Variants in SOCS6 observed in about 807,000 individuals in gnomAD.
SOCS6 encodes STAT induced STAT inhibitor-4.
In SOCS6, 5 loss-of-function variants were observed where a neutral mutation model predicts 27.7. That is an observed-to-expected ratio of 0.18 (90% CI 0.09 to 0.38). The LOEUF (loss-of-function observed/expected upper bound fraction) is 0.38, where lower values mean the gene tolerates loss of function less well. Among genes scored for constraint, SOCS6 ranks in the 10% least tolerant of loss-of-function variants. SOCS6 has a pLI of 1.00. For missense variants in SOCS6, 595 were observed against 688.1 expected (o/e 0.86, Z 1.51); for synonymous variants, 271 against 260.0 (o/e 1.04, Z -0.41).
intron 1 of SOCS6, among the ~76,000 whole-genome samples, chr18:70,302,242 G>A (rs542084447): frequency 8.1e-5 from 11 of 134,998 alleles, no homozygotes; most frequent in African/African-American, 2.6e-4. Context: ...TGGGAGCCGA[G>A]TCCAAGGTCT....
Position 70,315,320 on chromosome 18 carries a change from G to A in SOCS6, c.-126-9223G>A, listed in dbSNP as rs566268479. 1.1e-4 allele frequency among the ~76,000 whole-genome samples: 16 copies of A among 152,248 alleles called. No homozygotes were observed. In the South Asian group the frequency reaches 1.2e-3, roughly 12 times the overall value. On this transcript the variant is annotated intron_variant, in intron 1 of 1. Coordinates refer to ENST00000397942, the MANE Select transcript of SOCS6 (RefSeq NM_004232.4). ...TTTTCTTTCTCCTGAAGGAAAAAGA[G>A]CCATGGTAGCTCCTTGATCACTTTC...
intron 1 of SOCS6, among the ~76,000 whole-genome samples, chr18:70,320,493 T>A (rs1910944733): frequency 6.6e-6 from 1 of 152,180 alleles, no homozygotes; most frequent in South Asian, 2.1e-4. Context: ...GGTAGTCCCC[T>A]ATGCACAGTT....
At position 70,329,890 on chromosome 18, in the gene SOCS6, T is replaced by A. The variant is rs1056273532; in HGVS notation, c.*3614T>A. 1 of 167,094 alleles carries A rather than the reference T, an allele frequency of 6.0e-6. No individual in the cohort carries two copies. The highest frequency in any genetic ancestry group is 1.5e-5 in the Non-Finnish European group (1 of 68,110). 10.4% of individuals were successfully genotyped at this position (167,094 alleles called of 1,614,324 possible). A position where few individuals can be genotyped will look rare whatever the true frequency, so the allele number is the denominator to read the frequency against. On this transcript the variant is annotated 3_prime_UTR_variant, in exon 2 of 2. Transcript: ENST00000397942. ...ATCCAGAGATTATGAAAAATTCTTA[T>A]AGAATTTTGTAACAAGTATTTACAT... is the stretch of plus-strand genomic sequence containing the variant.
At chr18:70,308,384 A>AT (rs953953410) in intron 1 of SOCS6, among the ~76,000 whole-genome samples, 14 of 149,554 alleles carry the variant, frequency 9.4e-5, no homozygotes, top group East Asian at 3.9e-4. Context: ...TACCTGGCTA[A>AT]TTTTTTTTTT....
intron 1 of SOCS6, among the ~76,000 whole-genome samples, chr18:70,322,329 A>G (rs1485195122): frequency 6.6e-6 from 1 of 152,222 alleles, no homozygotes; most frequent in Non-Finnish European, 1.5e-5. Flanking sequence ...GAAGAGATAA[A>G]AGACCATATG....
Position 70,324,848 on chromosome 18 carries a change from T to C in SOCS6, c.180T>C (p.Asp60=). Reference sequence around the variant, plus strand: ...CCAGCTGCGATATCAACGGTGAAGATGAAAAAGGCGGAAAAAACAGATCAA... The same window carrying C: ...CCAGCTGCGATATCAACGGTGAAGACGAAAAAGGCGGAAAAAACAGATCAA... ...DMASCDINGE[D]EKGGKNRSKS... The change falls in exon 2 of 2, where the codon GAT becomes GAC. Residue 60 remains aspartate (D), a synonymous_variant. Transcript: ENST00000397942. 1 of 1,614,024 alleles carries C rather than the reference T, an allele frequency of 6.2e-7. No individual in the cohort carries two copies. The highest frequency in any genetic ancestry group is 8.5e-7 in the Non-Finnish European group (1 of 1,180,008).
rs41537545 is a variant in SOCS6, at chr18:70,289,064, G to A, written c.-153G>A. 0.16 allele frequency: 24,493 copies of A among 149,954 alleles called. 2,079 individuals carry two copies. Among genetic ancestry groups the A allele is most frequent in the Middle Eastern group, 0.24 (70 of 294 alleles). 9.3% of individuals were successfully genotyped at this position (149,954 alleles called of 1,614,324 possible). A position where few individuals can be genotyped will look rare whatever the true frequency, so the allele number is the denominator to read the frequency against. ...CGCGGCAGTCGCGCCGGCGCTGGGC[G>A]AGGAAGCGGAGCCGGGCCGCCTCCG... is the stretch of plus-strand genomic sequence containing the variant. On this transcript the variant is annotated 5_prime_UTR_variant, in exon 1 of 2. Coordinates refer to ENST00000397942, the MANE Select transcript of SOCS6 (RefSeq NM_004232.4).
At chr18:70,300,365 G>A (rs2062342957) in intron 1 of SOCS6, among the ~76,000 whole-genome samples, 1 of 152,158 alleles carries the variant, frequency 6.6e-6, no homozygotes. Flanking sequence ...CTGACCTCAA[G>A]TGATCTGCCA....
At chr18:70,293,669 G>T (rs190989245) in intron 1 of SOCS6, among the ~76,000 whole-genome samples, 200 of 152,204 alleles carry the variant, frequency 1.3e-3, no homozygotes, top group African/African-American at 3.8e-3. Context: ...TCTCTCATGG[G>T]GATGCAGATC....
At chr18:70,314,446 C>A (rs1324503461) in intron 1 of SOCS6, among the ~76,000 whole-genome samples, 1 of 151,920 alleles carries the variant, frequency 6.6e-6, no homozygotes, top group East Asian at 1.9e-4. Flanking sequence ...TTTACTCTAC[C>A]CTTTCTTTCT....
chr18:70,302,865 G>A (rs1187896861), intron 1 of SOCS6, among the ~76,000 whole-genome samples: 1 of 152,038 alleles, frequency 6.6e-6, no homozygotes, highest in African/African-American at 2.4e-5. Context: ...AAGAATAATA[G>A]TAAAAACAAA....
In SOCS6 at chr18:70,328,717, G is replaced by T. The variant is rs1354495555; in HGVS notation, c.*2441G>T. On this transcript the variant is annotated 3_prime_UTR_variant, in exon 2 of 2. Transcript: ENST00000397942. ...AAGTTAAATTTACAAGCAGAAAGAT[G>T]TTTTGCGATATTTTCTACTTTTGTG... is the stretch of plus-strand genomic sequence containing the variant. 1 of 166,796 alleles carries T rather than the reference G, an allele frequency of 6.0e-6. No homozygotes were observed. Among genetic ancestry groups the T allele is most frequent in the Non-Finnish European group, 1.5e-5 (1 of 68,074 alleles). The allele number at this position is 166,796 out of a possible 1,614,324, so 10.3% of individuals were successfully genotyped here.
At chr18:70,310,998 T>C (rs2146280354) in intron 1 of SOCS6, among the ~76,000 whole-genome samples, 1 of 152,310 alleles carries the variant, frequency 6.6e-6, no homozygotes, top group Admixed American at 6.5e-5. Flanking sequence ...AAGTTAAACA[T>C]AACATTTGTT....
rs139320786 is a variant in SOCS6, at chr18:70,317,419, G to GGTGTGT, written c.-126-7107_-126-7102dup. The stretch of plus-strand genomic sequence containing the variant: ...TTTTTATAGCTAAGTAGTATTCCAT[G>GGTGTGT]GTGTGTGTGTGTGTGTGTGTGTATA... On this transcript the variant is annotated intron_variant, in intron 1 of 1. Coordinates refer to ENST00000397942, the MANE Select transcript of SOCS6 (RefSeq NM_004232.4). Among the ~76,000 whole-genome samples the GGTGTGT allele has an allele frequency of 2.5e-3, 365 of 148,168 alleles. 2 individuals carry two copies. The highest frequency in any genetic ancestry group is 3.9e-3 in the South Asian group (18 of 4,644).
chr18:70,291,418 C>A lies in SOCS6; in HGVS notation c.-127+2328C>A, dbSNP rs41326944. On this transcript the variant is annotated intron_variant, in intron 1 of 1. Transcript: ENST00000397942. ...CCCAGCCTGCAAGTGTCCTCTTAAG[C>A]CTTCTTGTGTAACTACACTCCTTAG... Among the ~76,000 whole-genome samples, 884 of 152,318 alleles carry A rather than the reference C, an allele frequency of 5.8e-3. 11 individuals are homozygous for A. Among genetic ancestry groups the A allele is most frequent in the African/African-American group, 0.02 (845 of 41,572 alleles).
intron 1 of SOCS6, among the ~76,000 whole-genome samples, chr18:70,305,884 T>C (rs548068261): frequency 2.4e-4 from 37 of 151,890 alleles, no homozygotes; most frequent in Middle Eastern, 3.4e-3. Flanking sequence ...GCTTGTAGGG[T>C]GGGTGTGTGG....
In SOCS6 at chr18:70,325,786, C is replaced by T; in HGVS notation, c.1118C>T (p.Thr373Ile). The T allele has an allele frequency of 6.2e-7, 1 of 1,614,214 alleles. No individual in the cohort carries two copies. Among genetic ancestry groups the T allele is most frequent in the Non-Finnish European group, 8.5e-7 (1 of 1,180,032 alleles). ...SSGPMVVTSL[T>I]EELKKLAKQG... Reference sequence around the variant, plus strand: ...GGTCCCATGGTTGTGACAAGCCTTACAGAGGAGCTGAAAAAACTTGCAAAG... The same window carrying T: ...GGTCCCATGGTTGTGACAAGCCTTATAGAGGAGCTGAAAAAACTTGCAAAG... The change falls in exon 2 of 2, where the codon ACA (threonine) becomes ATA (isoleucine). Residue 373 changes from threonine (T) to isoleucine (I), a missense_variant. Physicochemically the swap from Thr to Ile is moderately conservative, Grantham distance 89. Coordinates refer to ENST00000397942, the MANE Select transcript of SOCS6 (RefSeq NM_004232.4). The surrounding 1 kb of genome is among the most constrained non-coding windows in gnomAD (Gnocchi z 6.3).
Position 70,325,457 on chromosome 18 carries a change from C to G in SOCS6, c.789C>G (p.Pro263=). The G allele has an allele frequency of 1.2e-6, 2 of 1,614,114 alleles. No individual in the cohort carries two copies. Among genetic ancestry groups the G allele is most frequent in the Non-Finnish European group, 1.7e-6 (2 of 1,180,022 alleles). Residue 263 remains proline, a synonymous_variant, in exon 2 of 2, where the codon CCC becomes CCG. Coordinates refer to ENST00000397942, the MANE Select transcript of SOCS6 (RefSeq NM_004232.4). The surrounding 1 kb of genome is among the most constrained non-coding windows in gnomAD (Gnocchi z 6.3). ...VPPQVGGRAF[P]EDESQVDQDL... ...CTCAAGTGGGAGGGCGCGCTTTCCC[C>G]GAGGATGAGAGTCAGGTAGACCAGG...
Position 70,325,031 on chromosome 18 carries a change from G to A in SOCS6, c.363G>A (p.Pro121=), listed in dbSNP as rs1047654. The A allele has an allele frequency of 3.7e-6, 6 of 1,614,138 alleles. No individual in the cohort carries two copies. The highest frequency in any genetic ancestry group is 2.2e-5 in the East Asian group (1 of 44,878). ...TTAAAGACGTGAGAGCTCAGAGGCCGATAAGGTCCACGTCGCTCCGCAGCC... is the reference window on the plus strand; with the variant it reads ...TTAAAGACGTGAGAGCTCAGAGGCCAATAAGGTCCACGTCGCTCCGCAGCC... ...IVFKDVRAQR[P]IRSTSLRSHH... is the part of the protein sequence containing the mutation. The change falls in exon 2 of 2, where the codon CCG becomes CCA. Residue 121 remains proline, a synonymous_variant. Coordinates refer to ENST00000397942, the MANE Select transcript of SOCS6 (RefSeq NM_004232.4). This position sits in a 1 kb window ranked among gnomAD's most constrained non-coding sequence, Gnocchi z 6.3.
Sources: allele counts gnomAD v4.1 joint callset (sites outside exome capture counted in the v4.1 genomes callset), GRCh38; gene constraint gnomAD v4.1.1; non-coding constraint Gnocchi (gnomAD v3.1); transcripts MANE v1.5; gene names NCBI Gene and HGNC (gene_info 2026-07-23, HGNC 2026-07-21).